PTK2: variants seen among roughly 807,000 people sequenced by gnomAD.
PTK2 encodes focal adhesion kinase 1.
In PTK2, 45 loss-of-function variants were observed where a neutral mutation model predicts 150.1. That is an observed-to-expected ratio of 0.30 (90% CI 0.24 to 0.38). PTK2 has a LOEUF of 0.38. PTK2 is among the 10% of genes least tolerant of loss of function. The pLI is 1.00. For missense variants in PTK2, 919 were observed against 1,307.3 expected (o/e 0.70, Z 4.58); for synonymous variants, 432 against 449.2 (o/e 0.96, Z 0.48).
chr8:140,958,827 C>T (rs1300241253), intron 1 of PTK2, among the ~76,000 whole-genome samples: 1 of 152,178 alleles, frequency 6.6e-6, no homozygotes, highest in Non-Finnish European at 1.5e-5. Context: ...TCACATGTGG[C>T]TCACAATATA....
intron 1 of PTK2, among the ~76,000 whole-genome samples, chr8:140,956,414 T>C (rs2100181233): frequency 6.6e-6 from 1 of 152,268 alleles, no homozygotes. Flanking sequence ...ACAGACCTAC[T>C]GTGCTGCCAG....
intron 8 of PTK2, among the ~76,000 whole-genome samples, chr8:140,825,966 T>C (rs911406780): frequency 3.3e-5 from 5 of 152,210 alleles, no homozygotes; most frequent in Non-Finnish European, 7.3e-5. Flanking sequence ...TTGAGGCACA[T>C]ATATCCCAGA....
chr8:140,771,330 C>G (rs2100075362), intron 14 of PTK2: 1 of 152,262 alleles, frequency 6.6e-6, no homozygotes, highest in Non-Finnish European at 1.5e-5. Context: ...GGTTGCAAAA[C>G]CTCTACTAGC....
At chr8:140,803,785 T>C in intron 10 of PTK2, 135 bp from the exon 11 acceptor site, 1 of 750,388 alleles carries the variant, frequency 1.3e-6, no homozygotes, top group East Asian at 2.7e-5. Context: ...AAAAAACAGA[T>C]TCTCCATGCT....
intron 5 of PTK2, among the ~76,000 whole-genome samples, chr8:140,863,636 T>C (rs2100137548): frequency 6.6e-6 from 1 of 152,182 alleles, no homozygotes; most frequent in Non-Finnish European, 1.5e-5. Context: ...CAATACCAAA[T>C]CTATACTGGG....
At chr8:140,995,786 TAAATA>T (rs916489373) in intron 1 of PTK2, among the ~76,000 whole-genome samples, 9 of 151,472 alleles carry the variant, frequency 5.9e-5, no homozygotes, top group Middle Eastern at 3.4e-3. Context: ...TCAAAATAAA[TAAATA>T]AAATAAAATA....
At chr8:140,735,887 C>A (rs565155312) in intron 21 of PTK2, among the ~76,000 whole-genome samples, 1 of 152,306 alleles carries the variant, frequency 6.6e-6, no homozygotes, top group South Asian at 2.1e-4. Flanking sequence ...TTGGAAAACT[C>A]AGATTCCTTA....
intron 21 of PTK2, among the ~76,000 whole-genome samples, chr8:140,738,792 A>T (rs2100054008): frequency 6.6e-6 from 1 of 152,322 alleles, no homozygotes; most frequent in East Asian, 1.9e-4. Flanking sequence ...TGATGGAAGG[A>T]GCTGGGCAAT....
At chr8:140,762,603 C>T (rs2100069993) in intron 15 of PTK2, among the ~76,000 whole-genome samples, 1 of 152,126 alleles carries the variant, frequency 6.6e-6, no homozygotes. Context: ...CTTTTAAGTT[C>T]CTATCTCATC....
chr8:140,896,359 T>C (rs1378326363), intron 2 of PTK2, among the ~76,000 whole-genome samples: 2 of 152,168 alleles, frequency 1.3e-5, no homozygotes, highest in African/African-American at 2.4e-5. Flanking sequence ...ACGATAAAAG[T>C]CTACCTTTCT....
intron 1 of PTK2, among the ~76,000 whole-genome samples, chr8:140,993,729 T>C (rs907822828): frequency 6.6e-6 from 1 of 152,026 alleles, no homozygotes; most frequent in Non-Finnish European, 1.5e-5. Flanking sequence ...CCCACAAACA[T>C]GACTTTTTTT....
chr8:140,728,118 G>C (rs536453883), intron 22 of PTK2, among the ~76,000 whole-genome samples: 58 of 112,008 alleles, frequency 5.2e-4, no homozygotes, highest in Admixed American at 2.0e-3. Context: ...AGAATTGCTT[G>C]AAGCAGGGAG....
chr8:140,906,857 A>G (rs544403758), intron 2 of PTK2, among the ~76,000 whole-genome samples: 1 of 152,358 alleles, frequency 6.6e-6, no homozygotes, highest in East Asian at 1.9e-4. Context: ...AATTACCCTG[A>G]TTTGATCATC....
At chr8:140,760,187 A>G (rs2100068592) in intron 16 of PTK2, among the ~76,000 whole-genome samples, 1 of 151,976 alleles carries the variant, frequency 6.6e-6, no homozygotes, top group Admixed American at 6.6e-5. Context: ...ACACCACTGC[A>G]CTCCAGCCTG....
chr8:140,967,811 C>A (rs2100185850), intron 1 of PTK2, among the ~76,000 whole-genome samples: 1 of 152,098 alleles, frequency 6.6e-6, no homozygotes, highest in African/African-American at 2.4e-5. Context: ...CTATGAAGCT[C>A]CCCAATGTTC....
In PTK2 at chr8:140,962,136, G is replaced by A. The variant is rs1228412106; in HGVS notation, c.-121-36387C>T. ...CTCAGGAGGCTGAGACAGGGGAATC[G>A]CTTGAATCCGGGAGGTGGAGGTTGT... On this transcript the variant is annotated intron_variant, in intron 1 of 31. Coordinates refer to ENST00000522684, the Ensembl canonical transcript of PTK2. Among the ~76,000 whole-genome samples, 4 of 151,370 alleles carry A rather than the reference G, an allele frequency of 2.6e-5. No individual in the cohort carries two copies. In the East Asian group the frequency reaches 5.8e-4, roughly 22 times the overall value.
intron 1 of PTK2, among the ~76,000 whole-genome samples, chr8:140,976,953 G>A (rs2100189463): frequency 6.6e-6 from 1 of 152,008 alleles, no homozygotes; most frequent in Non-Finnish European, 1.5e-5. Context: ...TCCAATTCTA[G>A]AAATGTCACA....
chr8:140,728,920 A>G (rs1312355605), intron 22 of PTK2, among the ~76,000 whole-genome samples: 1 of 152,192 alleles, frequency 6.6e-6, no homozygotes, highest in Non-Finnish European at 1.5e-5. Flanking sequence ...TCTTTTAAAC[A>G]TTCTTTGAAA....
chr8:140,855,333 C>T (rs1203795829), intron 5 of PTK2, among the ~76,000 whole-genome samples: 7 of 151,992 alleles, frequency 4.6e-5, no homozygotes, highest in African/African-American at 1.5e-4. Flanking sequence ...TGGTGGCTCA[C>T]GTCAGTAATC....
Sources: allele counts gnomAD v4.1 joint callset (sites outside exome capture counted in the v4.1 genomes callset), GRCh38; gene constraint gnomAD v4.1.1; transcripts MANE v1.5; gene names NCBI Gene and HGNC (gene_info 2026-07-23, HGNC 2026-07-21).